Variants in TGFB2 observed in about 807,000 individuals in gnomAD.
The protein encoded by TGFB2 is transforming growth factor beta 2.
TGFB2 carries 13 observed loss-of-function variants against 42.7 expected under a neutral mutation model. The ratio of observed to expected loss-of-function variants is 0.30; its 90% confidence interval spans 0.20 to 0.48. The LOEUF is 0.48. Among genes scored for constraint, TGFB2 ranks in the 20% least tolerant of loss-of-function variants. The pLI, the probability that TGFB2 is intolerant of heterozygous loss-of-function variation, is 0.99. For synonymous variants in TGFB2, 193 were observed against 193.6 expected, an observed-to-expected ratio of 1.00 and a Z score of 0.03; for missense variants, 390 against 517.5, an observed-to-expected ratio of 0.75 and a Z score of 2.39.
rs1230021415 is a variant in TGFB2 at position 218,427,733 on chromosome 1, T to C, written c.511-6349T>C. On this transcript the variant is annotated intron_variant, in intron 2 of 6. Transcript: ENST00000366930. ...CACATTTTCTTAATCCAGTCTATCA[T>C]TGATGGGCATTTGGGTTGGTTCCAA... 2.0e-5 allele frequency among the ~76,000 whole-genome samples: 3 copies of C among 152,246 alleles called. No homozygotes were observed. In the East Asian group the frequency reaches 5.8e-4, roughly 29 times the overall value.
At position 218,346,056 on chromosome 1, in the gene TGFB2, GCA is replaced by G. The variant is rs151329324; in HGVS notation, c.-622_-621del. 7.7e-3 allele frequency among the ~76,000 whole-genome samples: 1,115 copies of G among 145,156 alleles called. 5 individuals are homozygous for G. Among genetic ancestry groups the G allele is most frequent in the South Asian group, 0.013 (57 of 4,386 alleles). On this transcript the variant is annotated 5_prime_UTR_variant, in exon 1 of 7. Transcript: ENST00000366930. This position sits in a 1 kb window ranked among gnomAD's most constrained non-coding sequence, Gnocchi z 4.9. ...GGGCTCGCCCCCAGCGCGCGCACAC[GCA>G]CACACACACACACACACACACACGC...
chr1:218,369,658 C>A (rs568916842), intron 1 of TGFB2, among the ~76,000 whole-genome samples: 20 of 152,274 alleles, frequency 1.3e-4, no homozygotes, highest in African/African-American at 4.6e-4. Context: ...GCGGTGAAGC[C>A]TAGTCATGGC....
chr1:218,405,179 G>A lies in TGFB2; in HGVS notation c.357G>A (p.Pro119=), dbSNP rs138514914. The change falls in exon 2 of 7, where the codon CCG becomes CCA. Residue 119 remains proline, a synonymous_variant. Transcript: ENST00000366930. ...PPFFPSENAI[P]PTFYRPYFRI... Reference sequence around the variant, plus strand: ...CCTAATTTTTTACAGATGCCATCCCGCCCACTTTCTACAGACCCTACTTCA... The same window carrying A: ...CCTAATTTTTTACAGATGCCATCCCACCCACTTTCTACAGACCCTACTTCA... 854 of 1,582,866 alleles carry A rather than the reference G, an allele frequency of 5.4e-4. 7 individuals are homozygous for A. Among genetic ancestry groups the A allele is most frequent in the South Asian group, 1.4e-3 (124 of 88,048 alleles).
chr1:218,381,118 A>G (rs927190746), intron 1 of TGFB2, among the ~76,000 whole-genome samples: 1 of 152,232 alleles, frequency 6.6e-6, no homozygotes, highest in Admixed American at 6.5e-5. Flanking sequence ...AGGCACTTAC[A>G]GTATCTTCTG....
intron 1 of TGFB2, among the ~76,000 whole-genome samples, chr1:218,377,075 T>A (rs879734381): frequency 6.8e-4 from 103 of 151,284 alleles, no homozygotes; most frequent in Middle Eastern, 3.4e-3. Flanking sequence ...AAAAAAAAAA[T>A]TTTTATAGAG....
In TGFB2 at chr1:218,432,810, C is replaced by T. The variant is rs149985718; in HGVS notation, c.511-1272C>T. Among the ~76,000 whole-genome samples the T allele has an allele frequency of 7.7e-4, 117 of 152,158 alleles. 1 individual carries two copies. In the East Asian group the frequency reaches 0.015, roughly 20 times the overall value. On this transcript the variant is annotated intron_variant, in intron 2 of 6. Transcript: ENST00000366930. ...GGAATGACCACAAAACAGAGTAGTA[C>T]AAAAATCCGGAAGAGTAGTACAAAA...
At chr1:218,363,358 C>G (rs376606551) in intron 1 of TGFB2, 2 of 1,613,842 alleles carry the variant, frequency 1.2e-6, no homozygotes, top group African/African-American at 1.3e-5. Context: ...GTTACAACAC[C>G]CTCTGGCTCA....
intron 2 of TGFB2, among the ~76,000 whole-genome samples, chr1:218,409,261 T>C (rs1659018080): frequency 6.6e-6 from 1 of 152,228 alleles, no homozygotes; most frequent in African/African-American, 2.4e-5. Flanking sequence ...TGCTTTAGAC[T>C]AAAGATTTTT....
At chr1:218,366,229 A>AT (rs1327777653) in intron 1 of TGFB2, among the ~76,000 whole-genome samples, 1 of 152,156 alleles carries the variant, frequency 6.6e-6, no homozygotes, top group Non-Finnish European at 1.5e-5. Context: ...GGCAAATATA[A>AT]TTTTTTAAAA....
intron 1 of TGFB2, among the ~76,000 whole-genome samples, chr1:218,351,408 C>A (rs1656863602): frequency 6.6e-6 from 1 of 152,104 alleles, no homozygotes; most frequent in African/African-American, 2.4e-5. Flanking sequence ...TACAACAGAC[C>A]AAACTTTAAT....
chr1:218,363,913 C>T lies in TGFB2; in HGVS notation c.346+16866C>T, dbSNP rs542642985. On this transcript the variant is annotated intron_variant, in intron 1 of 6. Coordinates refer to ENST00000366930, the MANE Select transcript of TGFB2 (RefSeq NM_003238.6). Reference sequence around the variant, plus strand: ...TTCTAGAGCAAGCTTGTCCAACCCTCGGCCTGCATGCAGTCCAGGATGGCC... The same window carrying T: ...TTCTAGAGCAAGCTTGTCCAACCCTTGGCCTGCATGCAGTCCAGGATGGCC... Among the ~76,000 whole-genome samples, 32 of 152,302 alleles carry T rather than the reference C, an allele frequency of 2.1e-4. No homozygotes were observed. The South Asian group carries it at 2.5e-3, about 12-fold the overall frequency.
chr1:218,378,420 G>T (rs1657824438), intron 1 of TGFB2, among the ~76,000 whole-genome samples: 1 of 151,808 alleles, frequency 6.6e-6, no homozygotes, highest in Non-Finnish European at 1.5e-5. Context: ...CAGGTGATCC[G>T]CCCGCCTCGG....
At chr1:218,376,538 A>G (rs1657747651) in intron 1 of TGFB2, among the ~76,000 whole-genome samples, 1 of 152,188 alleles carries the variant, frequency 6.6e-6, no homozygotes, top group Non-Finnish European at 1.5e-5. Flanking sequence ...CTCAGAGAGT[A>G]CTAGGACCAT....
At chr1:218,391,227 G>T (rs1163895822) in intron 1 of TGFB2, among the ~76,000 whole-genome samples, 1 of 152,194 alleles carries the variant, frequency 6.6e-6, no homozygotes. Context: ...TTTCCTTGAT[G>T]ATTTGCAGTA....
intron 1 of TGFB2, among the ~76,000 whole-genome samples, chr1:218,402,990 G>C (rs996890463): frequency 6.6e-6 from 1 of 152,276 alleles, no homozygotes; most frequent in South Asian, 2.1e-4. Context: ...ATGGGGGCGG[G>C]CATATTCCAG....
chr1:218,403,691 C>T (rs1261009486), intron 1 of TGFB2, among the ~76,000 whole-genome samples: 7 of 151,978 alleles, frequency 4.6e-5, no homozygotes, highest in African/African-American at 1.7e-4. Context: ...CAGTCTCTGC[C>T]CTCAAGATTC....
chr1:218,388,784 T>A (rs763358077), intron 1 of TGFB2, among the ~76,000 whole-genome samples: 2 of 152,184 alleles, frequency 1.3e-5, no homozygotes, highest in Non-Finnish European at 2.9e-5. Flanking sequence ...TAATAACTAT[T>A]CACAATCATA....
chr1:218,403,661 G>A (rs1658808255), intron 1 of TGFB2, among the ~76,000 whole-genome samples: 1 of 152,176 alleles, frequency 6.6e-6, no homozygotes, highest in Non-Finnish European at 1.5e-5. Flanking sequence ...ACGTGGGAAA[G>A]AAGAAAGACC....
intron 2 of TGFB2, among the ~76,000 whole-genome samples, chr1:218,406,753 G>A (rs1031902241): frequency 1.3e-5 from 2 of 152,176 alleles, no homozygotes; most frequent in Non-Finnish European, 2.9e-5. Flanking sequence ...GGTACCTGAT[G>A]CATAGCGCTC....
Sources: allele counts gnomAD v4.1 joint callset (sites outside exome capture counted in the v4.1 genomes callset), GRCh38; gene constraint gnomAD v4.1.1; non-coding constraint Gnocchi (gnomAD v3.1); transcripts MANE v1.5; gene names NCBI Gene and HGNC (gene_info 2026-07-23, HGNC 2026-07-21).